Variants in PLXNA4 observed in about 807,000 individuals in gnomAD.
The protein encoded by PLXNA4 is plexin A4.
Under a neutral mutation model 191.8 loss-of-function variants are expected in PLXNA4, and 44 were observed. The observed-to-expected ratio is 0.23, with a 90% confidence interval of 0.18 to 0.29. The LOEUF (loss-of-function observed/expected upper bound fraction) is 0.29. Ranked by LOEUF, PLXNA4 falls within the 10% of genes least tolerant of loss-of-function variation. PLXNA4 has a pLI of 1.00. For synonymous variants in PLXNA4, 1,082 were observed against 1,009.5 expected, an observed-to-expected ratio of 1.07 and a Z score of -1.36; for missense variants, 1,800 against 2,488.8, an observed-to-expected ratio of 0.72 and a Z score of 5.89.
intron 3 of PLXNA4, among the ~76,000 whole-genome samples, chr7:132,464,240 G>A (rs1159693142): frequency 6.6e-6 from 1 of 152,200 alleles, no homozygotes; most frequent in Non-Finnish European, 1.5e-5. Flanking sequence ...AGGGTGAGGA[G>A]GTAAGTGGGA....
chr7:132,429,811 T>C (rs185638013), intron 3 of PLXNA4, among the ~76,000 whole-genome samples: 2 of 152,170 alleles, frequency 1.3e-5, no homozygotes, highest in African/African-American at 4.8e-5. Context: ...GGCTTGATGG[T>C]CAGTCTTTTC....
At chr7:132,607,021 C>T (rs141882389) in intron 2 of PLXNA4, among the ~76,000 whole-genome samples, 119 of 152,298 alleles carry the variant, frequency 7.8e-4, no homozygotes, top group Middle Eastern at 3.4e-3. Context: ...GTTTCTGAAT[C>T]ATGATCCTGG....
intron 2 of PLXNA4, among the ~76,000 whole-genome samples, chr7:132,607,593 G>A (rs1043539916): frequency 6.6e-6 from 1 of 152,214 alleles, no homozygotes; most frequent in Non-Finnish European, 1.5e-5. Flanking sequence ...GGGGCTATGA[G>A]AGCAATGATC....
intron 1 of PLXNA4, chr7:132,646,078 G>A (rs1803860781): frequency 6.6e-6 from 1 of 152,582 alleles, no homozygotes; most frequent in Non-Finnish European, 1.5e-5. Flanking sequence ...ACTAATTAAG[G>A]CTGTTAATGA....
chr7:132,595,006 TAG>T (rs1563189786), intron 2 of PLXNA4, among the ~76,000 whole-genome samples: 1 of 32,562 alleles, frequency 3.1e-5, no homozygotes, highest in African/African-American at 9.0e-5. Flanking sequence ...GATAGATAGA[TAG>T]ATAGATAGAT....
intron 3 of PLXNA4, among the ~76,000 whole-genome samples, chr7:132,353,852 CAAGG>C (rs1192536723): frequency 6.6e-6 from 1 of 152,138 alleles, no homozygotes; most frequent in Non-Finnish European, 1.5e-5. Flanking sequence ...CTGTTTTCTG[CAAGG>C]AAGGTCCTCA....
In PLXNA4 at chr7:132,324,031, C is replaced by A. The variant is rs557067499; in HGVS notation, c.1372-25809G>T. ...GCAGGGATCATCAGAGACAGGCGAA[C>A]AATGGGTAAGGAGGGCCCTGGAGCA... On this transcript the variant is annotated intron_variant, in intron 3 of 31. Coordinates refer to ENST00000321063, the MANE Select transcript of PLXNA4 (RefSeq NM_020911.2). 2.2e-4 allele frequency among the ~76,000 whole-genome samples: 34 copies of A among 152,206 alleles called. No homozygotes were observed. The South Asian group carries it at 6.9e-3, about 31-fold the overall frequency.
At chr7:132,230,406 G>A (rs1798485909) in intron 5 of PLXNA4, among the ~76,000 whole-genome samples, 3 of 152,130 alleles carry the variant, frequency 2.0e-5, no homozygotes, top group African/African-American at 4.8e-5. Flanking sequence ...TAGGCTAATC[G>A]CTATTTTTGC....
intron 2 of PLXNA4, among the ~76,000 whole-genome samples, chr7:132,493,129 T>C (rs1172777634): frequency 1.3e-5 from 2 of 151,928 alleles, no homozygotes; most frequent in East Asian, 3.9e-4. Context: ...CTTCAACAGG[T>C]GAGGGTTGAT....
At chr7:132,451,173 A>G (rs1402901854) in intron 3 of PLXNA4, among the ~76,000 whole-genome samples, 3 of 152,238 alleles carry the variant, frequency 2.0e-5, no homozygotes, top group African/African-American at 4.8e-5. Flanking sequence ...CGAGGGACTC[A>G]GGGCCCACCC....
chr7:132,298,065 GT>G, intron 4 of PLXNA4, 25 bp downstream of exon 4: 1 of 1,614,010 alleles, frequency 6.2e-7, no homozygotes, highest in Non-Finnish European at 8.5e-7. Context: ...CAAGACAAAT[GT>G]CTAGCGGAGC....
chr7:132,520,892 C>T (rs931120107), intron 1 of PLXNA4, among the ~76,000 whole-genome samples: 2 of 151,268 alleles, frequency 1.3e-5, no homozygotes, highest in African/African-American at 4.9e-5. Context: ...ATTTGGGGCT[C>T]ACTCAGCCAA....
chr7:132,223,401 G>A (rs1321103350), intron 9 of PLXNA4, 126 bp downstream of exon 9: 1 of 763,202 alleles, frequency 1.3e-6, no homozygotes, highest in Non-Finnish European at 2.2e-6. Context: ...GGACCCTTAA[G>A]AGCCAGGAAG....
At chr7:132,132,478 C>CTTT (rs1563048426) in intron 31 of PLXNA4, among the ~76,000 whole-genome samples, 1 of 62,590 alleles carries the variant, frequency 1.6e-5, no homozygotes, top group Admixed American at 1.9e-4. Flanking sequence ...CTCTGCTCTG[C>CTTT]TCTGCTCTGC....
intron 4 of PLXNA4, among the ~76,000 whole-genome samples, chr7:132,259,961 A>T (rs888921167): frequency 6.6e-6 from 1 of 152,200 alleles, no homozygotes; most frequent in Non-Finnish European, 1.5e-5. Flanking sequence ...GTTCAATGAG[A>T]TATAATCTCA....
At chr7:132,375,070 C>G (rs1386345621) in intron 3 of PLXNA4, among the ~76,000 whole-genome samples, 1 of 152,220 alleles carries the variant, frequency 6.6e-6, no homozygotes, top group African/African-American at 2.4e-5. Context: ...GTTAGTAAGG[C>G]CTCTGAGGCT....
chr7:132,164,706 C>T (rs1369812383), intron 23 of PLXNA4, among the ~76,000 whole-genome samples: 1 of 152,260 alleles, frequency 6.6e-6, no homozygotes, highest in Non-Finnish European at 1.5e-5. Flanking sequence ...TGAGCCTCTT[C>T]CACCTCCCAG....
chr7:132,353,797 G>A (rs532371938), intron 3 of PLXNA4, among the ~76,000 whole-genome samples: 5 of 152,238 alleles, frequency 3.3e-5, no homozygotes, highest in Middle Eastern at 3.4e-3. Flanking sequence ...TGAGGTGGGG[G>A]GCAAGCAGTA....
At chr7:132,296,608 G>A (rs921956512) in intron 4 of PLXNA4, among the ~76,000 whole-genome samples, 1 of 151,972 alleles carries the variant, frequency 6.6e-6, no homozygotes, top group East Asian at 1.9e-4. Context: ...GTCCTCTTAT[G>A]TTTTAAGTCC....
Sources: gnomAD v4.1 joint callset for allele counts (sites outside exome capture counted in the v4.1 genomes callset) on GRCh38, gnomAD v4.1.1 for gene constraint, MANE v1.5 for transcripts, NCBI Gene and HGNC (gene_info 2026-07-23, HGNC 2026-07-21) for gene names.